HTR3A: variants seen among roughly 807,000 people sequenced by gnomAD.
The protein encoded by HTR3A is 5-hydroxytryptamine (serotonin) receptor 3A, ionotropic.
A neutral mutation model predicts 54.8 loss-of-function variants in HTR3A; 45 were observed. The observed-to-expected ratio is 0.82, with a 90% CI of 0.65 to 1.05. The LOEUF (loss-of-function observed/expected upper bound fraction) is 1.05. Ranked by LOEUF, HTR3A falls within the 50% of genes least tolerant of loss-of-function variation. The pLI is 0.00. For synonymous variants in HTR3A, 297 were observed against 256.0 expected (o/e 1.16, Z -1.53); for missense variants, 657 against 614.0 (o/e 1.07, Z -0.74).
chr11:113,986,931 T>C lies in HTR3A; in HGVS notation c.1023T>C (p.Ala341=). The part of the protein sequence containing the change: ...HKQDLQQPVP[A]WLRHLVLERI... ...AAGACCTGCAGCAGCCCGTGCCTGC[T>C]TGGCTGCGTCACCTGGTTCTGGAGA... Residue 341 remains alanine (A), a synonymous_variant, in exon 8 of 9, where the codon GCT becomes GCC. Transcript: ENST00000504030. The C allele has an allele frequency of 6.2e-7, 1 of 1,614,218 alleles. No homozygotes were observed.
At position 113,975,202 on chromosome 11, in the gene HTR3A, T is replaced by G. The variant is rs1164210109; in HGVS notation, c.-124T>G. On this transcript the variant is annotated 5_prime_UTR_variant, in exon 1 of 9. Transcript: ENST00000504030. The stretch of plus-strand genomic sequence containing the variant: ...AGTGTGAGGCTGCAGCCTCAGAAGG[T>G]GTGAGCAGTGGCCACGAGAGGCAGG... 5 of 870,678 alleles carry G rather than the reference T, an allele frequency of 5.7e-6. No individual in the cohort carries two copies. Among genetic ancestry groups the G allele is most frequent in the Non-Finnish European group, 7.5e-6 (4 of 533,786 alleles). 53.9% of individuals were successfully genotyped at this position (870,678 alleles called of 1,614,324 possible).
At chr11:113,979,409 A>G in intron 3 of HTR3A, 132 bp downstream of exon 3, 4 of 730,588 alleles carry the variant, frequency 5.5e-6, no homozygotes, top group Non-Finnish European at 9.8e-6. Flanking sequence ...CCTGAGATCC[A>G]GGAGTGTGGA....
In HTR3A at chr11:113,979,274, G is replaced by A. The variant is rs768469482; in HGVS notation, c.261G>A (p.Arg87=). ...NQVLTTYIWY[R]QYWTDEFLQW... ...TGCTGACCACCTACATCTGGTACCG[G>A]CAGGTGAGCAGACCCGCCCCTCCCT... Residue 87 remains arginine, a synonymous_variant, in exon 3 of 9, where the codon CGG becomes CGA. Coordinates refer to ENST00000504030, the MANE Select transcript of HTR3A (RefSeq NM_000869.6). 30 of 1,610,622 alleles carry A rather than the reference G, an allele frequency of 1.9e-5. No homozygotes were observed. The South Asian group carries it at 3.2e-4, about 17-fold the overall frequency.
rs1424320707 is a variant in HTR3A, at chr11:113,989,447, G to T, written c.1139-18G>T. 1 of 1,613,690 alleles carries T rather than the reference G, an allele frequency of 6.2e-7. No homozygotes were observed. The highest frequency in any genetic ancestry group is 1.7e-5 in the Admixed American group (1 of 60,028). ...CCCGGGGTCTCCCTCTCTTGCCAAT[G>T]CCCTGCCCTTCTTCCAGCCATGGGA... On this transcript the variant is annotated intron_variant, in intron 8 of 8. Coordinates refer to ENST00000504030, the MANE Select transcript of HTR3A (RefSeq NM_000869.6). The surrounding 1 kb of genome is among the most constrained non-coding windows in gnomAD (Gnocchi z 4.4).
chr11:113,981,938 G>A (rs1244798996), intron 4 of HTR3A, among the ~76,000 whole-genome samples: 2 of 151,396 alleles, frequency 1.3e-5, no homozygotes, highest in African/African-American at 2.4e-5. Context: ...AGCCTGCTGG[G>A]CGACACAGCA....
chr11:113,981,068 G>T (rs778252326), intron 3 of HTR3A, 135 bp from the exon 4 acceptor site: 6 of 688,270 alleles, frequency 8.7e-6, no homozygotes, highest in Admixed American at 2.0e-5. Flanking sequence ...GGAATTGGGC[G>T]CCACTGACAC....
intron 1 of HTR3A, chr11:113,977,518 G>T: frequency 6.4e-7 from 1 of 1,550,826 alleles, no homozygotes; most frequent in Non-Finnish European, 8.7e-7. Flanking sequence ...TGTGCCACTT[G>T]CTCTTCCAAG....
At chr11:113,985,159 T>C (rs113080587) in intron 5 of HTR3A, among the ~76,000 whole-genome samples, 217 of 152,308 alleles carry the variant, frequency 1.4e-3, no homozygotes, top group African/African-American at 4.9e-3. Flanking sequence ...TCTCTACACA[T>C]TTACATACAC....
At chr11:113,978,810 G>C (rs371906388) in intron 2 of HTR3A, among the ~76,000 whole-genome samples, 19 of 152,230 alleles carry the variant, frequency 1.2e-4, no homozygotes, top group African/African-American at 4.3e-4. Flanking sequence ...GGACAACATA[G>C]CGACTGCATT....
intron 3 of HTR3A, among the ~76,000 whole-genome samples, chr11:113,980,775 A>G (rs1219631296): frequency 6.6e-6 from 1 of 152,252 alleles, no homozygotes; most frequent in Non-Finnish European, 1.5e-5. Context: ...TCGAATTTAC[A>G]TTTTAGACTG....
Position 113,986,812 on chromosome 11 carries a change from C to A in HTR3A, c.917-13C>A. 1 of 1,614,166 alleles carries A rather than the reference C, an allele frequency of 6.2e-7. No individual in the cohort carries two copies. The highest frequency in any genetic ancestry group is 8.5e-7 in the Non-Finnish European group (1 of 1,180,030). The stretch of plus-strand genomic sequence containing the variant: ...CCTGCATGTGTCTCTTGCCTCTGCC[C>A]TGGGCTGCACAGGTGTCTACTTTGT... On this transcript the variant is annotated splice_polypyrimidine_tract_variant and intron_variant, in intron 7 of 8. Coordinates refer to ENST00000504030, the MANE Select transcript of HTR3A (RefSeq NM_000869.6).
Position 113,989,459 on chromosome 11 carries a change from T to C in HTR3A, c.1139-6T>C. Reference sequence around the variant, plus strand: ...CTCTCTTGCCAATGCCCTGCCCTTCTTCCAGCCATGGGAAACCACTGCAGC... The same window carrying C: ...CTCTCTTGCCAATGCCCTGCCCTTCCTCCAGCCATGGGAAACCACTGCAGC... On this transcript the variant is annotated splice_region_variant and splice_polypyrimidine_tract_variant and intron_variant, in intron 8 of 8. Coordinates refer to ENST00000504030, the MANE Select transcript of HTR3A (RefSeq NM_000869.6). This position sits in a 1 kb window ranked among gnomAD's most constrained non-coding sequence, Gnocchi z 4.4. 2 of 1,614,006 alleles carry C rather than the reference T, an allele frequency of 1.2e-6. No individual in the cohort carries two copies. The highest frequency in any genetic ancestry group is 1.7e-6 in the Non-Finnish European group (2 of 1,180,010).
In HTR3A at chr11:113,986,034, T is replaced by C. The variant is rs1950485823; in HGVS notation, c.564T>C (p.Ser188=). 1 of 1,614,026 alleles carries C rather than the reference T, an allele frequency of 6.2e-7. No individual in the cohort carries two copies. ...WLHTIQDINI[S]LWRLPEKVKS... is the part of the protein sequence containing the mutation. Reference sequence around the variant, plus strand: ...TCTCAGTCCAGGACATCAACATCTCTTTGTGGCGCTTGCCAGAAAAGGTGA... The same window carrying C: ...TCTCAGTCCAGGACATCAACATCTCCTTGTGGCGCTTGCCAGAAAAGGTGA... The change falls in exon 6 of 9, where the codon TCT becomes TCC. Residue 188 remains serine, a synonymous_variant. Coordinates refer to ENST00000504030, the MANE Select transcript of HTR3A (RefSeq NM_000869.6).
At chr11:113,979,107 C>CT (rs1950389706) in intron 2 of HTR3A, 126 bp from the exon 3 acceptor site, 1 of 781,222 alleles carries the variant, frequency 1.3e-6, no homozygotes, top group Non-Finnish European at 2.3e-6. Context: ...ACCCCGGCCC[C>CT]TGCTCTTCAC....
At chr11:113,986,257 C>A in intron 6 of HTR3A, 82 bp downstream of exon 6, 1 of 1,558,664 alleles carries the variant, frequency 6.4e-7, no homozygotes, top group Non-Finnish European at 8.8e-7. Flanking sequence ...GGGAGAACTT[C>A]TATAGCCTTT....
chr11:113,975,334 G>A lies in HTR3A; in HGVS notation c.9G>A (p.Leu3=). 6.2e-7 allele frequency: 1 copy of A among 1,613,578 alleles called. No individual in the cohort carries two copies. Among genetic ancestry groups the A allele is most frequent in the South Asian group, 1.1e-5 (1 of 91,076 alleles). Residue 3 remains leucine, a synonymous_variant, in exon 1 of 9, where the codon CTG becomes CTA. Transcript: ENST00000504030. ...TGCTTGGAAAGCTCGCTATGCTGCT[G>A]TGGGTCCAGCAGGCGCTGCTCGCCT... ML[L]WVQQALLALL...
chr11:113,981,372 G>A (rs1046738984), intron 4 of HTR3A, 60 bp downstream of exon 4: 30 of 974,690 alleles, frequency 3.1e-5, no homozygotes, highest in Non-Finnish European at 4.8e-5. Context: ...GAAGCCCGGG[G>A]ACAGAGAGAC....
chr11:113,987,705 C>T lies in HTR3A; in HGVS notation c.1138+659C>T, dbSNP rs118187155. Among the ~76,000 whole-genome samples the T allele has an allele frequency of 9.8e-3, 1,488 of 152,246 alleles. 12 individuals are homozygous for T. The highest frequency in any genetic ancestry group is 0.016 in the Non-Finnish European group (1,115 of 68,014). On this transcript the variant is annotated intron_variant, in intron 8 of 8. Transcript: ENST00000504030. ...CTGTGTTCGCATCACTGCATCCCACCTGGAGATAGAGTAAGACCCTGTCTC... is the reference window on the plus strand; with the variant it reads ...CTGTGTTCGCATCACTGCATCCCACTTGGAGATAGAGTAAGACCCTGTCTC...
chr11:113,976,529 T>C (rs550454842), intron 1 of HTR3A, among the ~76,000 whole-genome samples: 1 of 151,198 alleles, frequency 6.6e-6, no homozygotes, highest in East Asian at 2.0e-4. Context: ...ATGAAGAATA[T>C]GTTTATTGAT....
Sources: allele counts gnomAD v4.1 joint callset (sites outside exome capture counted in the v4.1 genomes callset), GRCh38; gene constraint gnomAD v4.1.1; non-coding constraint Gnocchi (gnomAD v3.1); transcripts MANE v1.5; gene names NCBI Gene and HGNC (gene_info 2026-07-23, HGNC 2026-07-21).